SLCO3A1: variants seen among roughly 807,000 people sequenced by gnomAD.
SLCO3A1 encodes solute carrier organic anion transporter family member 3A1.
A neutral mutation model predicts 63.1 loss-of-function variants in SLCO3A1; 27 were observed. The ratio of observed to expected loss-of-function variants is 0.43; its 90% CI spans 0.32 to 0.59. The LOEUF is 0.59. SLCO3A1 is among the 20% of genes least tolerant of loss of function. The pLI, the probability that SLCO3A1 is intolerant of heterozygous loss-of-function variation, is 0.09. For synonymous variants in SLCO3A1, 473 were observed against 409.9 expected (o/e 1.15, Z -1.86); for missense variants, 773 against 945.8 (o/e 0.82, Z 2.40).
Position 91,916,544 on chromosome 15 carries a change from A to G in SLCO3A1, c.646+86A>G, listed in dbSNP as rs886894139. The G allele has an allele frequency of 8.8e-6, 9 of 1,025,608 alleles. No individual in the cohort carries two copies. The African/African-American group carries it at 1.5e-4, about 17-fold the overall frequency. 63.5% of individuals were successfully genotyped at this position (1,025,608 alleles called of 1,614,324 possible). ...TGGCCTGGTGGACTTTGATTTTGCC[A>G]GAGTACTGGTTCTCAGACTTGGCTG... On this transcript the variant is annotated intron_variant, in intron 2 of 9. Transcript: ENST00000318445. This position sits in a 1 kb window ranked among gnomAD's most constrained non-coding sequence, Gnocchi z 6.2.
chr15:91,931,788 A>AACACACACACACACACACACACAC lies in SLCO3A1; in HGVS notation c.646+15342_646+15343insACACACACACACACACACACACAC, dbSNP rs112525299. 3.5e-5 allele frequency among the ~76,000 whole-genome samples: 5 copies of AACACACACACACACACACACACAC among 144,216 alleles called. 1 individual carries two copies. In the South Asian group the frequency reaches 8.9e-4, roughly 26 times the overall value. The allele number at this position is 144,216 out of a possible 152,430, so 94.6% of individuals were successfully genotyped here. A position where few individuals can be genotyped will look rare whatever the true frequency, so the allele number is the denominator to read the frequency against. ...GCCCGGCTGGTGTCTTAAGTGTGGA[A>AACACACACACACACACACACACAC]ACACACACACACGCACACACACACA... On this transcript the variant is annotated intron_variant, in intron 2 of 9. Transcript: ENST00000318445.
chr15:92,003,791 A>T (rs1232384854), intron 2 of SLCO3A1, among the ~76,000 whole-genome samples: 1 of 152,182 alleles, frequency 6.6e-6, no homozygotes, highest in African/African-American at 2.4e-5. Context: ...AGAAGATGAC[A>T]CCAGGTCAGC....
intron 1 of SLCO3A1, among the ~76,000 whole-genome samples, chr15:91,890,883 C>T (rs1163868104): frequency 1.3e-5 from 2 of 152,326 alleles, no homozygotes; most frequent in South Asian, 2.1e-4. Context: ...GAAAGGTAGA[C>T]ATTGCTGGGT....
At chr15:91,917,944 G>A (rs1241545957) in intron 2 of SLCO3A1, among the ~76,000 whole-genome samples, 1 of 152,212 alleles carries the variant, frequency 6.6e-6, no homozygotes, top group Non-Finnish European at 1.5e-5. Context: ...AGAGCACAGG[G>A]AATGAAATGG....
At chr15:92,118,456 C>A (rs74028803) in intron 4 of SLCO3A1, among the ~76,000 whole-genome samples, 1 of 151,518 alleles carries the variant, frequency 6.6e-6, no homozygotes, top group Non-Finnish European at 1.5e-5. Context: ...AAACTTGATA[C>A]CATTCCTGGA....
At chr15:91,903,061 A>G (rs894436441) in intron 1 of SLCO3A1, among the ~76,000 whole-genome samples, 2 of 152,208 alleles carry the variant, frequency 1.3e-5, no homozygotes, top group African/African-American at 4.8e-5. Flanking sequence ...CAGGGACTGT[A>G]TCTTACTTGG....
intron 7 of SLCO3A1, among the ~76,000 whole-genome samples, chr15:92,142,886 C>G (rs916896642): frequency 6.6e-6 from 1 of 152,160 alleles, no homozygotes; most frequent in South Asian, 2.1e-4. Context: ...ATAATATAAT[C>G]GAGCCATAGC....
intron 2 of SLCO3A1, among the ~76,000 whole-genome samples, chr15:91,955,514 G>T (rs1218522411): frequency 1.3e-5 from 2 of 152,072 alleles, no homozygotes; most frequent in African/African-American, 2.4e-5. Context: ...TGTATTTTTG[G>T]TAGAGATGGG....
At position 91,859,013 on chromosome 15, in the gene SLCO3A1, A is replaced by G. The variant is rs989673140; in HGVS notation, c.180+4925A>G. Among the ~76,000 whole-genome samples, 1 of 152,256 alleles carries G rather than the reference A, an allele frequency of 6.6e-6. No homozygotes were observed. Reference sequence around the variant, plus strand: ...ATTTCACTACATGCATCATTTAATAAGCATGTTTCTCTAAAGTGGAGTCAA... The same window carrying G: ...ATTTCACTACATGCATCATTTAATAGGCATGTTTCTCTAAAGTGGAGTCAA... On this transcript the variant is annotated intron_variant, in intron 1 of 9. Transcript: ENST00000318445. This position sits in a 1 kb window ranked among gnomAD's most constrained non-coding sequence, Gnocchi z 5.1.
intron 2 of SLCO3A1, among the ~76,000 whole-genome samples, chr15:91,986,743 G>A (rs2046058729): frequency 6.6e-6 from 1 of 152,170 alleles, no homozygotes; most frequent in African/African-American, 2.4e-5. Context: ...ATTTGGGTTT[G>A]TACTCTCCAT....
At chr15:91,986,490 G>A (rs540214292) in intron 2 of SLCO3A1, among the ~76,000 whole-genome samples, 1 of 151,748 alleles carries the variant, frequency 6.6e-6, no homozygotes, top group East Asian at 1.9e-4. Flanking sequence ...AAAGTATGCA[G>A]AAAGAAGTAA....
At chr15:91,987,272 A>G (rs1334038130) in intron 2 of SLCO3A1, among the ~76,000 whole-genome samples, 11 of 152,152 alleles carry the variant, frequency 7.2e-5, no homozygotes. Flanking sequence ...CCATATTCCT[A>G]GAGCCTAGTG....
In SLCO3A1 at chr15:92,102,824, A is replaced by G. The variant is rs928608126; in HGVS notation, c.746-1455A>G. Among the ~76,000 whole-genome samples the G allele has an allele frequency of 5.3e-5, 8 of 152,330 alleles. No homozygotes were observed. The South Asian group carries it at 1.7e-3, about 32-fold the overall frequency. On this transcript the variant is annotated intron_variant, in intron 3 of 9. Transcript: ENST00000318445. ...CAGAGAGCCCAAAAACAGACATTGA[A>G]GAGGGGCAGTGGAACAGAAAGGTGA...
At chr15:92,032,703 T>C (rs2046668776) in intron 2 of SLCO3A1, among the ~76,000 whole-genome samples, 1 of 152,060 alleles carries the variant, frequency 6.6e-6, no homozygotes, top group African/African-American at 2.4e-5. Context: ...GAGGCCCCCA[T>C]CGAAGGCGGT....
Position 92,104,405 on chromosome 15 carries a change from C to T in SLCO3A1, c.872C>T (p.Pro291Leu), listed in dbSNP as rs768734441. 12 of 1,614,054 alleles carry T rather than the reference C, an allele frequency of 7.4e-6. No homozygotes were observed. Among genetic ancestry groups the T allele is most frequent in the East Asian group, 4.5e-5 (2 of 44,892 alleles). ...TTTGGGTTTCCACAGTCCCTGCCCC[C>T]GCACTCAGAGCCCGCCATGGAAAGC... ...LMFGFPQSLP[P>L]HSEPAMESEQ... Residue 291 changes from proline (P) to leucine (L), a missense_variant, in exon 4 of 10, where the codon CCG becomes CTG. Pro to Leu is a moderately conservative substitution (Grantham distance 98, BLOSUM62 -3). Coordinates refer to ENST00000318445, the MANE Select transcript of SLCO3A1 (RefSeq NM_013272.4).
At chr15:92,159,620 G>T (rs948009105) in intron 9 of SLCO3A1, among the ~76,000 whole-genome samples, 2 of 138,368 alleles carry the variant, frequency 1.4e-5, no homozygotes, top group South Asian at 4.5e-4. Flanking sequence ...AGCCTGGAAT[G>T]CAGTGGCGTG....
chr15:92,048,665 G>A (rs571753248), intron 2 of SLCO3A1, among the ~76,000 whole-genome samples: 167 of 152,236 alleles, frequency 1.1e-3, no homozygotes, highest in African/African-American at 3.5e-3. Flanking sequence ...TTGGGAGGCC[G>A]AGGTGTGCGG....
chr15:91,888,431 C>T (rs920068482), intron 1 of SLCO3A1, among the ~76,000 whole-genome samples: 1 of 152,172 alleles, frequency 6.6e-6, no homozygotes, highest in Non-Finnish European at 1.5e-5. Flanking sequence ...ATACAAATGA[C>T]ATATGCATAA....
At chr15:92,049,258 A>AGCCCCC (rs1309026626) in intron 2 of SLCO3A1, among the ~76,000 whole-genome samples, 2 of 152,106 alleles carry the variant, frequency 1.3e-5, no homozygotes, top group Non-Finnish European at 2.9e-5. Flanking sequence ...TGCCAGCCCC[A>AGCCCCC]GCCCCCAACC....
Sources: gnomAD v4.1 joint callset for allele counts (sites outside exome capture counted in the v4.1 genomes callset) on GRCh38, gnomAD v4.1.1 for gene constraint, Gnocchi (gnomAD v3.1) non-coding constraint, MANE v1.5 for transcripts, NCBI Gene and HGNC (gene_info 2026-07-23, HGNC 2026-07-21) for gene names.